The following SGO2 variants were observed in gnomAD, a reference collection of about 807,000 sequenced individuals.
SGO2 encodes shugoshin-like 2.
In SGO2, 68 loss-of-function variants were observed where a neutral mutation model predicts 99.5. That is an observed-to-expected ratio of 0.68 (90% CI 0.56 to 0.84). The LOEUF (loss-of-function observed/expected upper bound fraction) is 0.84. Ranked by LOEUF, SGO2 falls within the 40% of genes least tolerant of loss-of-function variation. SGO2 has a pLI of 0.00. For missense variants in SGO2, 1,350 were observed against 1,436.7 expected (o/e 0.94, Z 0.97); for synonymous variants, 457 against 487.1 (o/e 0.94, Z 0.81).
intron 5 of SGO2, among the ~76,000 whole-genome samples, chr2:200,560,496 A>C (rs2032897560): frequency 6.6e-6 from 1 of 151,972 alleles, no homozygotes; most frequent in South Asian, 2.1e-4. Flanking sequence ...ATTTGTATTG[A>C]ATTTTGTCAA....
At chr2:200,582,913 GAT>G (rs1173700790) in intron 8 of SGO2, among the ~76,000 whole-genome samples, 1 of 152,058 alleles carries the variant, frequency 6.6e-6, no homozygotes, top group African/African-American at 2.4e-5. Context: ...TTTATATAAA[GAT>G]ATCTATCAAA....
At chr2:200,566,703 C>T (rs752660171) in intron 5 of SGO2, among the ~76,000 whole-genome samples, 13 of 152,158 alleles carry the variant, frequency 8.5e-5, no homozygotes, top group Non-Finnish European at 1.8e-4. Flanking sequence ...CTCCTTGAGC[C>T]GCAGGGTGCT....
rs1051730037 is a variant in SGO2, at chr2:200,572,920, C to T, written c.2574C>T (p.Val858=). 5 of 1,594,890 alleles carry T rather than the reference C, an allele frequency of 3.1e-6. No individual in the cohort carries two copies. The highest frequency in any genetic ancestry group is 1.8e-5 in the Admixed American group (1 of 55,448). The change falls in exon 7 of 9, where the codon GTC becomes GTT. Residue 858 remains valine (V), a synonymous_variant. Transcript: ENST00000357799. ...AAACAATTTCTGAAAATCTACAAGT[C>T]ACAAATGAATTTCAAACAGTTGATC... ...DKETISENLQ[V]TNEFQTVDLL...
chr2:200,563,895 G>A (rs1240524381), intron 5 of SGO2, among the ~76,000 whole-genome samples: 10 of 151,934 alleles, frequency 6.6e-5, no homozygotes, highest in South Asian at 2.1e-4. Context: ...CTGTGGGATC[G>A]GTGGTGATAT....
At position 200,573,409 on chromosome 2, in the gene SGO2, TG is replaced by T; in HGVS notation, c.3064del (p.Asp1022IlefsTer2). On this transcript the variant is annotated frameshift_variant, in exon 7 of 9. Coordinates refer to ENST00000357799, the MANE Select transcript of SGO2 (RefSeq NM_152524.6). LOFTEE classifies it high-confidence loss of function. ...CACAGACATCTATCTCCTTAGAATCTGATTTAAAACATATTACTAGTGAAGC... is the reference window on the plus strand; with the variant it reads ...CACAGACATCTATCTCCTTAGAATCTATTTAAAACATATTACTAGTGAAGC... Reference protein sequence around the residue: ...SSQTSISLESDLKHITSEADS... With the variant: ...SSQTSISLESXLKHITSEADS... 6.2e-7 allele frequency: 1 copy of T among 1,604,706 alleles called. No homozygotes were observed. Among genetic ancestry groups the T allele is most frequent in the Non-Finnish European group, 8.5e-7 (1 of 1,177,394 alleles).
chr2:200,557,563 A>G (rs997285504), intron 5 of SGO2, among the ~76,000 whole-genome samples: 4 of 152,178 alleles, frequency 2.6e-5, no homozygotes, highest in African/African-American at 9.7e-5. Context: ...CCTTAAAGTA[A>G]AAGCAAGTTT....
At chr2:200,562,183 G>C (rs2032999820) in intron 5 of SGO2, among the ~76,000 whole-genome samples, 1 of 152,140 alleles carries the variant, frequency 6.6e-6, no homozygotes, top group South Asian at 2.1e-4. Flanking sequence ...GTTTTTTATG[G>C]TTTTAGGTCT....
chr2:200,580,145 AT>A (rs1331321746), intron 8 of SGO2, among the ~76,000 whole-genome samples: 1 of 152,044 alleles, frequency 6.6e-6, no homozygotes, highest in Non-Finnish European at 1.5e-5. Context: ...AATGGGGTCA[AT>A]TTTTGTTATT....
At chr2:200,532,375 A>G (rs1425528984) in intron 1 of SGO2, 2 of 983,904 alleles carry the variant, frequency 2.0e-6, no homozygotes, top group South Asian at 4.7e-5. Context: ...ACATGGCTCA[A>G]CATCAACTGC....
intron 5 of SGO2, among the ~76,000 whole-genome samples, chr2:200,547,664 G>A (rs2032286923): frequency 6.6e-6 from 1 of 152,126 alleles, no homozygotes; most frequent in African/African-American, 2.4e-5. Flanking sequence ...TCTTTTGTGG[G>A]TTTTCATATA....
intron 8 of SGO2, among the ~76,000 whole-genome samples, chr2:200,576,820 C>CT (rs1014497406): frequency 3.9e-5 from 6 of 152,196 alleles, no homozygotes; most frequent in Non-Finnish European, 7.3e-5. Context: ...CAACTGGCTT[C>CT]TTTCACCCAG....
chr2:200,551,447 A>G (rs1559206291), intron 5 of SGO2, among the ~76,000 whole-genome samples: 1 of 152,154 alleles, frequency 6.6e-6, no homozygotes, highest in Non-Finnish European at 1.5e-5. Context: ...TGTGGTTACC[A>G]GAGGCTGGGA....
Position 200,570,540 on chromosome 2 carries a change from CACACACATATAT to C in SGO2, c.704-496_704-485del, listed in dbSNP as rs1472078068. Among the ~76,000 whole-genome samples the C allele has an allele frequency of 2.1e-5, 3 of 141,532 alleles. No individual in the cohort carries two copies. Among genetic ancestry groups the C allele is most frequent in the African/African-American group, 7.6e-5 (3 of 39,418 alleles). The allele number at this position is 141,532 out of a possible 152,430, so 92.9% of individuals were successfully genotyped here. ...TATGTATATGTATATAATATATACA[CACACACATATAT>C]ACACACATATATATGGTATACATAT... On this transcript the variant is annotated intron_variant, in intron 6 of 8. Transcript: ENST00000357799. This position sits in a 1 kb window ranked among gnomAD's most constrained non-coding sequence, Gnocchi z 4.4.
intron 5 of SGO2, among the ~76,000 whole-genome samples, chr2:200,560,522 T>C (rs1433418186): frequency 6.6e-6 from 1 of 152,128 alleles, no homozygotes; most frequent in Non-Finnish European, 1.5e-5. Context: ...TTTTTTGCAT[T>C]TCTAGAGAGA....
intron 5 of SGO2, among the ~76,000 whole-genome samples, chr2:200,545,450 C>G (rs957847527): frequency 5.3e-5 from 8 of 152,078 alleles, no homozygotes; most frequent in African/African-American, 1.9e-4. Context: ...TTTTCGGTTA[C>G]TAATTTTTGT....
chr2:200,566,352 C>T (rs1248009101), intron 5 of SGO2, among the ~76,000 whole-genome samples: 1 of 152,174 alleles, frequency 6.6e-6, no homozygotes, highest in Non-Finnish European at 1.5e-5. Context: ...ACCCTGTTTG[C>T]CTGGGTATCA....
At chr2:200,582,124 A>T (rs778134562) in intron 8 of SGO2, among the ~76,000 whole-genome samples, 1 of 152,180 alleles carries the variant, frequency 6.6e-6, no homozygotes, top group Non-Finnish European at 1.5e-5. Context: ...TTACTGAAAA[A>T]ATAAAATTAT....
chr2:200,538,107 A>G (rs1032572093), intron 4 of SGO2, among the ~76,000 whole-genome samples: 2 of 152,028 alleles, frequency 1.3e-5, no homozygotes, highest in South Asian at 2.1e-4. Flanking sequence ...TCCTCTATGT[A>G]TTCTCTTCTT....
In SGO2 at chr2:200,572,981, G is replaced by A; in HGVS notation, c.2635G>A (p.Asp879Asn). ...AGATAATGGAAATTTATGTGATTAT[G>A]ACACCCAGAATATATTGGAGTTGAA... ...IKDNGNLCDY[D>N]TQNILELKKY... The change falls in exon 7 of 9, where the codon GAC (aspartate) becomes AAC (asparagine). Residue 879 changes from aspartate (D) to asparagine (N), a missense_variant. Transcript: ENST00000357799. 1 of 1,592,388 alleles carries A rather than the reference G, an allele frequency of 6.3e-7. No homozygotes were observed. The highest frequency in any genetic ancestry group is 1.2e-5 in the South Asian group (1 of 85,480).
Sources: gnomAD v4.1 joint callset for allele counts (sites outside exome capture counted in the v4.1 genomes callset) on GRCh38, gnomAD v4.1.1 for gene constraint, Gnocchi (gnomAD v3.1) non-coding constraint, MANE v1.5 for transcripts, NCBI Gene and HGNC (gene_info 2026-07-23, HGNC 2026-07-21) for gene names.